Variants in CCDC13 observed in about 807,000 individuals in gnomAD.
The protein encoded by CCDC13 is coiled-coil domain-containing protein 13.
In CCDC13, 70 loss-of-function variants were observed where a neutral mutation model predicts 87.3. The observed-to-expected ratio is 0.80, with a 90% CI of 0.66 to 0.98. The LOEUF is 0.98. Among genes scored for constraint, CCDC13 ranks in the 50% least tolerant of loss-of-function variants. The probability of loss-of-function intolerance (pLI) is 0.00; values close to 1 mark genes in which losing one functional copy is unlikely to be tolerated. For synonymous variants in CCDC13, 317 were observed against 360.3 expected, an observed-to-expected ratio of 0.88 and a Z score of 1.36; for missense variants, 842 against 892.0, an observed-to-expected ratio of 0.94 and a Z score of 0.71.
intron 13 of CCDC13, among the ~76,000 whole-genome samples, chr3:42,721,672 CA>C (rs1167024001): frequency 3.9e-5 from 6 of 152,238 alleles, no homozygotes; most frequent in Non-Finnish European, 8.8e-5. Context: ...TAACTTATGG[CA>C]ACGTAGTTAT....
At chr3:42,739,405 G>T (rs1032538886) in intron 9 of CCDC13, among the ~76,000 whole-genome samples, 1 of 152,180 alleles carries the variant, frequency 6.6e-6, no homozygotes, top group South Asian at 2.1e-4. Context: ...AGTGCCTTGT[G>T]CCTGGTGCTG....
intron 1 of CCDC13, among the ~76,000 whole-genome samples, chr3:42,766,105 C>A (rs1198371127): frequency 1.3e-5 from 2 of 152,070 alleles, no homozygotes; most frequent in African/African-American, 2.4e-5. Context: ...GGCAACTATG[C>A]AGAGAAGGAG....
rs1698193429 is a variant in CCDC13 at position 42,706,911 on chromosome 3, C to G, written c.*2069G>C. On this transcript the variant is annotated 3_prime_UTR_variant, in exon 16 of 16. Coordinates refer to ENST00000310232, the MANE Select transcript of CCDC13 (RefSeq NM_144719.4). Reference sequence around the variant, plus strand: ...GTTAAATAACTTGCCCAAGGCCACACAGCTGGTAAGTGGGGAGAGAAGTAT... The same window carrying G: ...GTTAAATAACTTGCCCAAGGCCACAGAGCTGGTAAGTGGGGAGAGAAGTAT... 6.6e-6 allele frequency: 1 copy of G among 152,302 alleles called. No individual in the cohort carries two copies. Among genetic ancestry groups the G allele is most frequent in the Admixed American group, 6.5e-5 (1 of 15,286 alleles). 9.4% of individuals were successfully genotyped at this position (152,302 alleles called of 1,614,324 possible).
intron 6 of CCDC13, chr3:42,746,923 T>C (rs974871179): frequency 2.3e-6 from 1 of 431,384 alleles, no homozygotes; most frequent in African/African-American, 2.0e-5. Context: ...CAGGATCTAC[T>C]GGGGCACAAG....
chr3:42,728,320 G>A (rs1054029260), intron 13 of CCDC13, among the ~76,000 whole-genome samples: 1 of 152,100 alleles, frequency 6.6e-6, no homozygotes, highest in Non-Finnish European at 1.5e-5. Flanking sequence ...CTGGGTGGGG[G>A]AGGGCAACTG....
At chr3:42,763,392 CTA>C (rs1426863318) in intron 1 of CCDC13, among the ~76,000 whole-genome samples, 2 of 151,862 alleles carry the variant, frequency 1.3e-5, no homozygotes, top group African/African-American at 4.8e-5. Context: ...TTACAGAACA[CTA>C]TGTTAGGATT....
chr3:42,772,295 T>TAATAAC lies in CCDC13; in HGVS notation c.-7+880_-7+881insGTTATT, dbSNP rs1700142178. Among the ~76,000 whole-genome samples the TAATAAC allele has an allele frequency of 5.4e-5, 7 of 129,870 alleles. No individual in the cohort carries two copies. In the Admixed American group the frequency reaches 5.4e-4, roughly 10 times the overall value. The allele number at this position is 129,870 out of a possible 152,430, so 85.2% of individuals were successfully genotyped here. A position where few individuals can be genotyped will look rare whatever the true frequency, so the allele number is the denominator to read the frequency against. On this transcript the variant is annotated intron_variant, in intron 1 of 15. Transcript: ENST00000310232. The stretch of plus-strand genomic sequence containing the variant: ...AAAAAAAAAAAAAAAAAAAAAGTAA[T>TAATAAC]AATAAAAAAAATAAAGTAAAGGCTA...
At position 42,735,916 on chromosome 3, in the gene CCDC13, G is replaced by C. The variant is rs1559646934; in HGVS notation, c.1165-3C>G. 1 of 1,611,678 alleles carries C rather than the reference G, an allele frequency of 6.2e-7. No homozygotes were observed. The highest frequency in any genetic ancestry group is 2.2e-5 in the East Asian group (1 of 44,778). On this transcript the variant is annotated splice_polypyrimidine_tract_variant and splice_region_variant and intron_variant, in intron 9 of 15. Coordinates refer to ENST00000310232, the MANE Select transcript of CCDC13 (RefSeq NM_144719.4). Reference sequence around the variant, plus strand: ...TCCTGTAGCTGCTTCAGCTGGTCCTGGGGGGCCAGGCAGGAGGGCAGGTGG... The same window carrying C: ...TCCTGTAGCTGCTTCAGCTGGTCCTCGGGGGCCAGGCAGGAGGGCAGGTGG...
chr3:42,763,842 T>C (rs553581608), intron 1 of CCDC13, among the ~76,000 whole-genome samples: 176 of 152,332 alleles, frequency 1.2e-3, no homozygotes, highest in African/African-American at 3.9e-3. Context: ...TGAGTGATCA[T>C]GGCCTGTGAC....
intron 1 of CCDC13, among the ~76,000 whole-genome samples, chr3:42,760,294 AAATAAATAAATAAAT>A (rs1559662322): frequency 1.0e-3 from 32 of 31,532 alleles, no homozygotes; most frequent in African/African-American, 2.2e-3. Flanking sequence ...TCTTGTCTCT[AAATAAATAAATAAAT>A]AAATAAATAA....
intron 13 of CCDC13, among the ~76,000 whole-genome samples, chr3:42,729,833 G>A (rs1198797848): frequency 7.2e-5 from 11 of 152,224 alleles, no homozygotes; most frequent in African/African-American, 2.7e-4. Flanking sequence ...GCCTGTTAGG[G>A]CAGAAACTCA....
chr3:42,753,073 G>A (rs1699624257), intron 3 of CCDC13, among the ~76,000 whole-genome samples: 1 of 152,238 alleles, frequency 6.6e-6, no homozygotes, highest in African/African-American at 2.4e-5. Flanking sequence ...TGAGCAGGAT[G>A]TAGTCCCCTT....
intron 9 of CCDC13, among the ~76,000 whole-genome samples, chr3:42,736,935 A>G (rs116359406): frequency 0.018 from 2,743 of 152,230 alleles, 91 homozygotes; most frequent in African/African-American, 0.062. Flanking sequence ...TGTTTTATAC[A>G]TAAGTTGTAG....
chr3:42,760,183 C>T (rs577458702), intron 1 of CCDC13, among the ~76,000 whole-genome samples: 39 of 151,880 alleles, frequency 2.6e-4, no homozygotes, highest in African/African-American at 8.9e-4. Context: ...CCCTGCTACT[C>T]GGGAGGTTGA....
At chr3:42,749,999 G>T (rs1343159239) in intron 5 of CCDC13, 2 of 454,210 alleles carry the variant, frequency 4.4e-6, no homozygotes, top group Admixed American at 4.7e-5. Flanking sequence ...CTCTGATCAG[G>T]AGATGCCAGG....
chr3:42,735,216 G>A (rs889953580), intron 10 of CCDC13, among the ~76,000 whole-genome samples: 1 of 152,178 alleles, frequency 6.6e-6, no homozygotes, highest in African/African-American at 2.4e-5. Context: ...TTCACGCTGC[G>A]CGTAGCCCTG....
At chr3:42,734,678 A>G (rs1559645721) in intron 10 of CCDC13, among the ~76,000 whole-genome samples, 1 of 152,238 alleles carries the variant, frequency 6.6e-6, no homozygotes, top group Non-Finnish European at 1.5e-5. Context: ...AACAAAGAGC[A>G]GGGCTGCTTT....
intron 5 of CCDC13, among the ~76,000 whole-genome samples, chr3:42,748,906 C>T (rs1462822643): frequency 6.6e-6 from 1 of 152,128 alleles, no homozygotes; most frequent in Non-Finnish European, 1.5e-5. Flanking sequence ...CAGGTGCCCA[C>T]CACCATGCCT....
intron 8 of CCDC13, among the ~76,000 whole-genome samples, chr3:42,741,892 T>A (rs1328981574): frequency 6.6e-6 from 1 of 152,170 alleles, no homozygotes. Flanking sequence ...GGAGGTGCAA[T>A]GTGGTCATGG....
Sources: allele counts gnomAD v4.1 joint callset (sites outside exome capture counted in the v4.1 genomes callset), GRCh38; gene constraint gnomAD v4.1.1; transcripts MANE v1.5; gene names NCBI Gene and HGNC (gene_info 2026-07-23, HGNC 2026-07-21).